Variants in RYR1 observed in about 807,000 individuals in gnomAD.
The protein encoded by RYR1 is central core disease of muscle.
A neutral mutation model predicts 583.5 loss-of-function variants in RYR1; 342 were observed. The ratio of observed to expected loss-of-function variants is 0.59; its 90% CI spans 0.54 to 0.64. RYR1 has a LOEUF of 0.64. RYR1 is among the 30% of genes least tolerant of loss of function. The pLI, the probability that RYR1 is intolerant of heterozygous loss-of-function variation, is 0.00. For synonymous variants in RYR1, 2,791 were observed against 2,822.5 expected (o/e 0.99, Z 0.35); for missense variants, 6,032 against 6,917.2 (o/e 0.87, Z 4.54).
In RYR1 at chr19:38,502,595, T is replaced by C; in HGVS notation, c.7703T>C (p.Leu2568Pro). ...CCGCTCATCACCAAGTGTGCGCCGC[T>C]CTTTGCGGGCACAGAACACCGCGCC... ...VLPLITKCAP[L>P]FAGTEHRAIM... is the part of the protein sequence containing the mutation. Residue 2568 changes from leucine (L) to proline (P), a missense_variant, in exon 48 of 106, where the codon CTC (leucine) becomes CCC (proline). Physicochemically the swap from Leu to Pro is moderately conservative, Grantham distance 98. Transcript: ENST00000359596. The C allele has an allele frequency of 1.2e-6, 2 of 1,612,510 alleles. No homozygotes were observed. Among genetic ancestry groups the C allele is most frequent in the Non-Finnish European group, 1.7e-6 (2 of 1,179,860 alleles).
At chr19:38,544,201 A>T (rs190019959) in intron 87 of RYR1, among the ~76,000 whole-genome samples, 1 of 152,292 alleles carries the variant, frequency 6.6e-6, no homozygotes, top group Admixed American at 6.5e-5. Context: ...AGATGTGGAC[A>T]GTCCTTGGGC....
chr19:38,497,152 C>T (rs1335349414), intron 42 of RYR1, among the ~76,000 whole-genome samples, 198 bp downstream of exon 42: 1 of 152,104 alleles, frequency 6.6e-6, no homozygotes, highest in African/African-American at 2.4e-5. Flanking sequence ...GGCTGTGGGC[C>T]GGTCCGCACT....
chr19:38,443,529 C>T (rs1391696645), intron 3 of RYR1, 29 bp from the exon 4 acceptor site: 29 of 1,603,194 alleles, frequency 1.8e-5, no homozygotes, highest in Non-Finnish European at 2.4e-5. Flanking sequence ...GGGATCTGTG[C>T]TTATTCTGTT....
chr19:38,514,168 A>C (rs893646274), intron 63 of RYR1, among the ~76,000 whole-genome samples: 1 of 151,684 alleles, frequency 6.6e-6, no homozygotes, highest in African/African-American at 2.4e-5. Flanking sequence ...AGTGGCTCGC[A>C]CCTGTAATCC....
In RYR1 at chr19:38,561,437, C is replaced by T; in HGVS notation, c.12607C>T (p.Gln4203Ter). Residue 4203 changes from glutamine to a stop codon, truncating the protein, a stop_gained, in exon 90 of 106, where the codon CAG becomes TAG. Transcript: ENST00000359596. LOFTEE classifies it high-confidence loss of function. The surrounding 1 kb of genome is among the most constrained non-coding windows in gnomAD (Gnocchi z 4.8). Reference sequence around the variant, plus strand: ...CGAGATCTCAGAGACCAACCGCGCCCAGTGGGAGATGCCCCAGGTCAGGGA... The same window carrying T: ...CGAGATCTCAGAGACCAACCGCGCCTAGTGGGAGATGCCCCAGGTCAGGGA... ...YFEISETNRAQWEMPQVKESK... is the reference protein window; with the variant it reads ...YFEISETNRA 1 of 1,609,050 alleles carries T rather than the reference C, an allele frequency of 6.2e-7. No individual in the cohort carries two copies.
Position 38,496,681 on chromosome 19 carries a change from C to G in RYR1, c.6796+140C>G, listed in dbSNP as rs1251118352. 1.6e-6 allele frequency: 2 copies of G among 1,227,110 alleles called. No homozygotes were observed. Among genetic ancestry groups the G allele is most frequent in the Non-Finnish European group, 2.4e-6 (2 of 843,344 alleles). 76.0% of individuals were successfully genotyped at this position (1,227,110 alleles called of 1,614,324 possible). On this transcript the variant is annotated intron_variant, in intron 41 of 105. Transcript: ENST00000359596. The surrounding 1 kb of genome is among the most constrained non-coding windows in gnomAD (Gnocchi z 4.8). ...GGTTCTGGCCCTGTAATGAGTAATG[C>G]TGGGGACACAATAGTGACCCCAATA...
Position 38,565,867 on chromosome 19 carries a change from A to C in RYR1, c.13437+96A>C. ...GGTGGAGACACACACAGAGGAGAGA[A>C]CTGGCTAGGGGGATGGGCACACGCA... On this transcript the variant is annotated intron_variant, in intron 91 of 105. Coordinates refer to ENST00000359596, the MANE Select transcript of RYR1 (RefSeq NM_000540.3). This position sits in a 1 kb window ranked among gnomAD's most constrained non-coding sequence, Gnocchi z 4.7. The C allele has an allele frequency of 7.7e-7, 1 of 1,292,024 alleles. No individual in the cohort carries two copies. Among genetic ancestry groups the C allele is most frequent in the Non-Finnish European group, 9.9e-7 (1 of 1,011,646 alleles). 80.0% of individuals were successfully genotyped at this position (1,292,024 alleles called of 1,614,324 possible).
At chr19:38,571,884 C>A (rs578012227) in intron 94 of RYR1, 135 bp from the exon 95 acceptor site, 2 of 1,326,998 alleles carry the variant, frequency 1.5e-6, no homozygotes, top group Non-Finnish European at 2.1e-6. Flanking sequence ...TAGGCCCAAC[C>A]CTTGATCTTG....
chr19:38,533,288 T>C (rs566373943), intron 78 of RYR1, among the ~76,000 whole-genome samples: 22 of 152,320 alleles, frequency 1.4e-4, no homozygotes, highest in Non-Finnish European at 2.5e-4. Context: ...CATTCATTCA[T>C]TGAGACAGTT....
intron 74 of RYR1, 73 bp from the exon 75 acceptor site, chr19:38,528,526 G>T: frequency 6.3e-7 from 1 of 1,594,414 alleles, no homozygotes; most frequent in Non-Finnish European, 8.6e-7. Context: ...GTGGTTGGGG[G>T]CTGCAGGCGC....
chr19:38,580,829 A>G (rs1193884759), intron 101 of RYR1, among the ~76,000 whole-genome samples: 2 of 152,122 alleles, frequency 1.3e-5, no homozygotes, highest in Non-Finnish European at 2.9e-5. Context: ...CCTGGCAGAC[A>G]GACAGAGACC....
At position 38,537,972 on chromosome 19, in the gene RYR1, G is replaced by T; in HGVS notation, c.11689+12G>T. 1.2e-6 allele frequency: 2 copies of T among 1,609,264 alleles called. No individual in the cohort carries two copies. Among genetic ancestry groups the T allele is most frequent in the Non-Finnish European group, 1.7e-6 (2 of 1,175,836 alleles). On this transcript the variant is annotated intron_variant, in intron 84 of 105. Transcript: ENST00000359596. The stretch of plus-strand genomic sequence containing the variant: ...GGGGCACAATAATGGTGAGGAGGAG[G>T]GGTGTGGGGTGGAGGGGAAGCCGAG...
intron 19 of RYR1, among the ~76,000 whole-genome samples, chr19:38,459,845 C>T (rs1045435819): frequency 5.9e-5 from 9 of 152,110 alleles, no homozygotes; most frequent in South Asian, 2.1e-4. Context: ...CAGCATCTCC[C>T]GATGACCTTT....
chr19:38,582,311 C>G (rs1974251488), intron 101 of RYR1, among the ~76,000 whole-genome samples: 1 of 151,902 alleles, frequency 6.6e-6, no homozygotes, highest in Non-Finnish European at 1.5e-5. Context: ...ACAGGAGAAT[C>G]ACTTGAACCC....
rs1361634393 is a variant in RYR1, at chr19:38,586,559, A to G, written c.15004A>G (p.Thr5002Ala). 1 of 1,614,186 alleles carries G rather than the reference A, an allele frequency of 6.2e-7. No individual in the cohort carries two copies. Among genetic ancestry groups the G allele is most frequent in the Admixed American group, 1.7e-5 (1 of 60,016 alleles). Residue 5002 changes from threonine (T) to alanine (A), a missense_variant, in exon 105 of 106, where the codon ACA (threonine) becomes GCA (alanine). Transcript: ENST00000359596. ...GATGTATTTGATAAACAAGGATGAG[A>G]CAGAACACACGGGTCAGGTAAGGGG... ...FLMYLINKDE[T>A]EHTGQESYVW... is the part of the protein sequence containing the mutation.
chr19:38,444,312 G>A lies in RYR1; in HGVS notation c.537+51G>A, dbSNP rs774535568. 1.1e-5 allele frequency: 15 copies of A among 1,400,288 alleles called. No homozygotes were observed. The East Asian group carries it at 3.3e-4, about 31-fold the overall frequency. 86.7% of individuals were successfully genotyped at this position (1,400,288 alleles called of 1,614,324 possible). ...CCCAGGTCTGGGGGCGCATGGGATG[G>A]TCCCCATCTTCTCACCATGGGTTTG... On this transcript the variant is annotated intron_variant, in intron 6 of 105. Transcript: ENST00000359596. This position sits in a 1 kb window ranked among gnomAD's most constrained non-coding sequence, Gnocchi z 5.1.
Position 38,512,362 on chromosome 19 carries a change from G to GGC in RYR1, c.9356_9357dup (p.Thr3120AlafsTer4). 6.2e-7 allele frequency: 1 copy of GGC among 1,614,142 alleles called. No homozygotes were observed. Among genetic ancestry groups the GGC allele is most frequent in the Non-Finnish European group, 8.5e-7 (1 of 1,180,048 alleles). Reference sequence around the variant, plus strand: ...ACCTGCGGCTGGGCAAGGTGTCGCAGGCGCGCACCCAGGTGAAAGGCGTGG... The same window carrying GGC: ...ACCTGCGGCTGGGCAAGGTGTCGCAGGCGCGCGCACCCAGGTGAAAGGCGTGG... On this transcript the variant is annotated frameshift_variant, in exon 63 of 106. Transcript: ENST00000359596. LOFTEE classifies it high-confidence loss of function. The surrounding 1 kb of genome is among the most constrained non-coding windows in gnomAD (Gnocchi z 5.1).
chr19:38,519,124 G>A (rs550624709), intron 66 of RYR1, 90 bp from the exon 67 acceptor site: 1 of 1,603,554 alleles, frequency 6.2e-7, no homozygotes, highest in South Asian at 1.1e-5. Context: ...TGCTAGGTTG[G>A]AGATGCTGTT....
rs1469698 is a variant in RYR1 at position 38,502,916 on chromosome 19, C to T, written c.7872C>T (p.Arg2624=). Residue 2624 remains arginine, a synonymous_variant, in exon 49 of 106, where the codon CGC becomes CGT. Coordinates refer to ENST00000359596, the MANE Select transcript of RYR1 (RefSeq NM_000540.3). ...CGTCGATGCTGCAGCACCTGTTGCG[C>T]CGCCTGGTGTTCGACGTGCCCATCC... ...IRPSMLQHLL[R]RLVFDVPILN... is the part of the protein sequence containing the mutation. 215,411 of 1,611,386 alleles carry T rather than the reference C, an allele frequency of 0.13. 16,389 individuals are homozygous for T. Among genetic ancestry groups the T allele is most frequent in the African/African-American group, 0.28 (21,248 of 74,824 alleles).
Sources: allele counts gnomAD v4.1 joint callset (sites outside exome capture counted in the v4.1 genomes callset), GRCh38; gene constraint gnomAD v4.1.1; non-coding constraint Gnocchi (gnomAD v3.1); transcripts MANE v1.5; gene names NCBI Gene and HGNC (gene_info 2026-07-23, HGNC 2026-07-21).